NSMAF: variants seen among roughly 807,000 people sequenced by gnomAD.
NSMAF encodes the protein protein FAN.
NSMAF carries 90 observed loss-of-function variants against 134.9 expected under a neutral mutation model. The observed-to-expected ratio is 0.67, with a 90% CI of 0.56 to 0.79. The LOEUF (loss-of-function observed/expected upper bound fraction) is 0.79, where lower values mean the gene tolerates loss of function less well. NSMAF is among the 30% of genes least tolerant of loss of function. The pLI, the probability that NSMAF is intolerant of heterozygous loss-of-function variation, is 0.00. For missense variants in NSMAF, 1,010 were observed against 1,119.0 expected (o/e 0.90, Z 1.39); for synonymous variants, 358 against 389.6 (o/e 0.92, Z 0.96).
chr8:58,602,493 A>G (rs1806307375), intron 13 of NSMAF, among the ~76,000 whole-genome samples: 1 of 152,144 alleles, frequency 6.6e-6, no homozygotes, highest in South Asian at 2.1e-4. Context: ...TCTACATTCG[A>G]ATTCTAGTGA....
At chr8:58,634,955 G>A (rs980592542) in intron 5 of NSMAF, among the ~76,000 whole-genome samples, 15 of 152,168 alleles carry the variant, frequency 9.9e-5, no homozygotes, top group African/African-American at 3.6e-4. Flanking sequence ...ATCATAAATC[G>A]TGAGAGCTCC....
Position 58,609,626 on chromosome 8 carries a change from A to G in NSMAF, c.665T>C (p.Phe222Ser), listed in dbSNP as rs1200707627. The change falls in exon 10 of 31, where the codon TTT becomes TCT. Residue 222 changes from phenylalanine (F) to serine (S), a missense_variant. Physicochemically the swap from Phe to Ser is radical, Grantham distance 155. Coordinates refer to ENST00000038176, the MANE Select transcript of NSMAF (RefSeq NM_003580.4). ...CACCGGGTAGCCGTTGAGGGGCTGA[A>G]AATACAGGTTTGTGTCCGTGATGCA... ...HVCITDTNLY[F>S]QPLNGYPKPV... The G allele has an allele frequency of 1.2e-6, 2 of 1,614,064 alleles. No individual in the cohort carries two copies. Among genetic ancestry groups the G allele is most frequent in the Admixed American group, 3.3e-5 (2 of 60,002 alleles).
At chr8:58,616,760 A>G (rs749695893) in intron 9 of NSMAF, among the ~76,000 whole-genome samples, 1 of 152,216 alleles carries the variant, frequency 6.6e-6, no homozygotes, top group Non-Finnish European at 1.5e-5. Flanking sequence ...AATAGAAAAT[A>G]AAAGCCATAC....
chr8:58,643,760 A>G (rs564087228), intron 1 of NSMAF, among the ~76,000 whole-genome samples: 1 of 151,970 alleles, frequency 6.6e-6, no homozygotes, highest in East Asian at 1.9e-4. Flanking sequence ...CGAACTCCCA[A>G]CCTCACGTAA....
intron 2 of NSMAF, among the ~76,000 whole-genome samples, chr8:58,638,574 C>A (rs1807257017): frequency 1.3e-5 from 2 of 151,486 alleles, no homozygotes; most frequent in Admixed American, 1.3e-4. Context: ...CTAGATATCC[C>A]CGTGGAAAAA....
At chr8:58,614,442 G>A (rs1390405074) in intron 9 of NSMAF, among the ~76,000 whole-genome samples, 1 of 152,154 alleles carries the variant, frequency 6.6e-6, no homozygotes, top group Non-Finnish European at 1.5e-5. Context: ...CCTGAGTTAC[G>A]GCCACCTGGG....
intron 1 of NSMAF, among the ~76,000 whole-genome samples, chr8:58,650,045 C>T (rs942314227): frequency 5.9e-5 from 9 of 152,216 alleles, no homozygotes; most frequent in Non-Finnish European, 1.5e-5. Flanking sequence ...TGTGGTTCTA[C>T]ACTCAAACTC....
At chr8:58,654,996 G>A (rs902319655) in intron 1 of NSMAF, among the ~76,000 whole-genome samples, 11 of 151,706 alleles carry the variant, frequency 7.3e-5, no homozygotes, top group African/African-American at 2.7e-4. Context: ...CACCACACCC[G>A]GCTAGTTTTT....
intron 9 of NSMAF, among the ~76,000 whole-genome samples, chr8:58,617,091 T>C (rs1271185915): frequency 2.0e-5 from 3 of 152,152 alleles, no homozygotes; most frequent in African/African-American, 7.2e-5. Context: ...TCTTCTTAAA[T>C]CTACAATCAT....
intron 12 of NSMAF, among the ~76,000 whole-genome samples, chr8:58,605,004 G>A (rs1806371682): frequency 1.3e-5 from 2 of 152,148 alleles, no homozygotes; most frequent in South Asian, 2.1e-4. Flanking sequence ...CTCGGCCTCC[G>A]AAAGTGCTGG....
intron 16 of NSMAF, among the ~76,000 whole-genome samples, chr8:58,600,479 T>C (rs2129140960): frequency 6.6e-6 from 1 of 151,834 alleles, no homozygotes; most frequent in South Asian, 2.1e-4. Flanking sequence ...AAAAATTAGC[T>C]GGGCGTGGTG....
intron 17 of NSMAF, 38 bp from the exon 18 acceptor site, chr8:58,599,908 C>T (rs375365448): frequency 9.2e-5 from 148 of 1,613,164 alleles, no homozygotes; most frequent in Non-Finnish European, 1.2e-4. Flanking sequence ...GAACAACAAA[C>T]ATGTTTTAAA....
chr8:58,586,288 G>GTATA, intron 28 of NSMAF, 170 bp downstream of exon 28: 1 of 664,396 alleles, frequency 1.5e-6, no homozygotes. Context: ...AATGCCACAA[G>GTATA]TATACTGTAC....
chr8:58,632,507 C>T (rs535115888), intron 5 of NSMAF, among the ~76,000 whole-genome samples: 2 of 152,170 alleles, frequency 1.3e-5, no homozygotes, highest in Non-Finnish European at 2.9e-5. Context: ...TTCCACATGG[C>T]TTCCTGGACA....
chr8:58,651,984 C>A (rs1302128580), intron 1 of NSMAF, among the ~76,000 whole-genome samples: 1 of 152,104 alleles, frequency 6.6e-6, no homozygotes, highest in Non-Finnish European at 1.5e-5. Context: ...TCAAGGATAC[C>A]ATAAAAATAA....
intron 21 of NSMAF, among the ~76,000 whole-genome samples, chr8:58,596,573 TA>T (rs1422809447): frequency 1.3e-5 from 2 of 152,226 alleles, no homozygotes; most frequent in Non-Finnish European, 2.9e-5. Context: ...AGATACCCTG[TA>T]AATGTTTGTC....
chr8:58,586,289 T>G, intron 28 of NSMAF, 169 bp downstream of exon 28: 1 of 664,920 alleles, frequency 1.5e-6, no homozygotes, highest in Non-Finnish European at 2.5e-6. Flanking sequence ...ATGCCACAAG[T>G]ATACTGTACC....
At chr8:58,587,801 C>T (rs774206029) in intron 26 of NSMAF, 100 bp from the exon 27 acceptor site, 1 of 966,856 alleles carries the variant, frequency 1.0e-6, no homozygotes, top group Non-Finnish European at 1.6e-6. Context: ...TTCCATTTAA[C>T]AGACTTGCCA....
chr8:58,595,471 G>C (rs1258730488), intron 22 of NSMAF, 89 bp downstream of exon 22: 1 of 860,622 alleles, frequency 1.2e-6, no homozygotes, highest in Non-Finnish European at 1.9e-6. Flanking sequence ...TTTTCCCTCT[G>C]ACTCAGCTTA....
Sources: gnomAD v4.1 joint callset for allele counts (sites outside exome capture counted in the v4.1 genomes callset) on GRCh38, gnomAD v4.1.1 for gene constraint, MANE v1.5 for transcripts, NCBI Gene and HGNC (gene_info 2026-07-23, HGNC 2026-07-21) for gene names.